Variants in SLC35E2B observed in about 807,000 individuals in gnomAD.
SLC35E2B encodes the protein solute carrier family 35, member E2B.
A neutral mutation model predicts 32.4 loss-of-function variants in SLC35E2B; 18 were observed. That is an observed-to-expected ratio of 0.56 (90% confidence interval 0.38 to 0.82). The LOEUF (loss-of-function observed/expected upper bound fraction) is 0.82. Ranked by LOEUF, SLC35E2B falls within the 40% of genes least tolerant of loss-of-function variation. The pLI is 0.00. For synonymous variants in SLC35E2B, 132 were observed against 209.1 expected, an observed-to-expected ratio of 0.63 and a Z score of 3.18; for missense variants, 263 against 469.5, an observed-to-expected ratio of 0.56 and a Z score of 4.06.
At chr1:1,689,169 C>T (rs577762566) in intron 2 of SLC35E2B, among the ~76,000 whole-genome samples, 3 of 149,442 alleles carry the variant, frequency 2.0e-5, no homozygotes, top group South Asian at 2.1e-4. Flanking sequence ...GAGACTGTCT[C>T]AAAAAAAAAC....
chr1:1,678,362 A>G (rs1270250655), intron 2 of SLC35E2B, among the ~76,000 whole-genome samples: 1 of 151,972 alleles, frequency 6.6e-6, no homozygotes, highest in Non-Finnish European at 1.5e-5. Flanking sequence ...GAGGTGCCTG[A>G]AACTTGGCCT....
intron 7 of SLC35E2B, 94 bp from the exon 8 acceptor site, chr1:1,669,830 C>G: frequency 7.7e-7 from 1 of 1,299,822 alleles, no homozygotes; most frequent in Non-Finnish European, 1.1e-6. Flanking sequence ...GCACCCCAGC[C>G]CAGAAGACGT....
At chr1:1,669,861 T>C in intron 7 of SLC35E2B, 125 bp from the exon 8 acceptor site, 1 of 1,058,236 alleles carries the variant, frequency 9.4e-7, no homozygotes. Context: ...TAGACAGGAC[T>C]AGGGTGCTGC....
chr1:1,663,341 A>T lies in SLC35E2B; in HGVS notation c.*2441T>A, dbSNP rs1404377234. 2.1e-6 allele frequency: 2 copies of T among 972,534 alleles called. No homozygotes were observed. The highest frequency in any genetic ancestry group is 3.5e-5 in the African/African-American group (2 of 56,994). 60.2% of individuals were successfully genotyped at this position (972,534 alleles called of 1,614,324 possible). On this transcript the variant is annotated 3_prime_UTR_variant, in exon 10 of 10. Transcript: ENST00000617444. ...GAACCAGGCGCCTGCACCTCTCCTT[A>T]TGCCAGACCACAATCTTCAAAGAGG...
chr1:1,682,074 G>T (rs1025885861), intron 2 of SLC35E2B, among the ~76,000 whole-genome samples: 1 of 138,070 alleles, frequency 7.2e-6, no homozygotes, highest in Non-Finnish European at 1.5e-5. Context: ...TGCCCAGGTT[G>T]GTCTCAATCT....
intron 2 of SLC35E2B, among the ~76,000 whole-genome samples, chr1:1,685,692 G>A (rs892391225): frequency 6.6e-6 from 1 of 152,162 alleles, no homozygotes; most frequent in Non-Finnish European, 1.5e-5. Flanking sequence ...ACCCTGAGGG[G>A]AGAAGCAGAA....
Position 1,663,439 on chromosome 1 carries a change from T to A in SLC35E2B, c.*2343A>T, listed in dbSNP as rs1249041664. On this transcript the variant is annotated 3_prime_UTR_variant, in exon 10 of 10. Coordinates refer to ENST00000617444, the MANE Select transcript of SLC35E2B (RefSeq NM_001290264.2). ...GTTGCTTTCAATCTGTCCTCACAAATCAACAACTCCCCGCCACCTCCAGGG... is the reference window on the plus strand; with the variant it reads ...GTTGCTTTCAATCTGTCCTCACAAAACAACAACTCCCCGCCACCTCCAGGG... 3.2e-6 allele frequency: 3 copies of A among 950,648 alleles called. No homozygotes were observed. The African/African-American group carries it at 5.3e-5, about 17-fold the overall frequency. The allele number at this position is 950,648 out of a possible 1,614,324, so 58.9% of individuals were successfully genotyped here. A position where few individuals can be genotyped will look rare whatever the true frequency, so the allele number is the denominator to read the frequency against.
chr1:1,666,674 G>A (rs1167915642), intron 9 of SLC35E2B, among the ~76,000 whole-genome samples: 1 of 151,250 alleles, frequency 6.6e-6, no homozygotes. Context: ...GCTCATGTCT[G>A]TAACCCCAGC....
At chr1:1,670,322 G>A (rs1242637240) in intron 6 of SLC35E2B, 171 bp from the exon 7 acceptor site, 11 of 567,684 alleles carry the variant, frequency 1.9e-5, no homozygotes, top group African/African-American at 3.8e-5. Flanking sequence ...GGGTTTCACC[G>A]TGTTGGCCAG....
At chr1:1,685,618 C>T (rs940319472) in intron 2 of SLC35E2B, among the ~76,000 whole-genome samples, 1 of 151,906 alleles carries the variant, frequency 6.6e-6, no homozygotes, top group Admixed American at 6.6e-5. Flanking sequence ...GGAAAAGGGT[C>T]TCTGAAATGG....
intron 5 of SLC35E2B, 29 bp from the exon 6 acceptor site, chr1:1,671,658 C>A: frequency 6.7e-7 from 1 of 1,497,688 alleles, no homozygotes; most frequent in Non-Finnish European, 9.0e-7. Context: ...CTGTGAGTGG[C>A]TGACCCGCCG....
In SLC35E2B at chr1:1,682,257, A is replaced by G. The variant is rs74045932; in HGVS notation, c.-147-5411T>C. On this transcript the variant is annotated intron_variant, in intron 2 of 9. Coordinates refer to ENST00000617444, the MANE Select transcript of SLC35E2B (RefSeq NM_001290264.2). The stretch of plus-strand genomic sequence containing the variant: ...GGCTGACTTGGGTCACAGAGGGCCA[A>G]ACGGTCCCGGGAAAATGGGTGGGCT... 2.9e-3 allele frequency among the ~76,000 whole-genome samples: 439 copies of G among 152,182 alleles called. 4 individuals are homozygous for G. Among genetic ancestry groups the G allele is most frequent in the African/African-American group, 0.01 (423 of 41,516 alleles).
chr1:1,681,188 T>C (rs1481066126), intron 2 of SLC35E2B, among the ~76,000 whole-genome samples: 1 of 151,956 alleles, frequency 6.6e-6, no homozygotes, highest in East Asian at 1.9e-4. Context: ...TAGTGAGACC[T>C]TTCTTTCCTT....
intron 2 of SLC35E2B, among the ~76,000 whole-genome samples, chr1:1,687,031 G>C (rs1040597514): frequency 3.3e-5 from 5 of 152,148 alleles, no homozygotes; most frequent in African/African-American, 1.2e-4. Flanking sequence ...ACTCCAGCCT[G>C]GGCCACAGAG....
chr1:1,689,397 G>A (rs914200865), intron 2 of SLC35E2B, among the ~76,000 whole-genome samples: 3 of 151,656 alleles, frequency 2.0e-5, no homozygotes, highest in East Asian at 1.9e-4. Flanking sequence ...TCTGCACAGC[G>A]GTGAATCCCC....
intron 6 of SLC35E2B, chr1:1,670,422 G>GT: frequency 3.7e-6 from 1 of 269,184 alleles, no homozygotes; most frequent in Non-Finnish European, 6.9e-6. Context: ...ACGCCCAACA[G>GT]ATTTTTTTTT....
chr1:1,678,657 A>G (rs369984800), intron 2 of SLC35E2B, among the ~76,000 whole-genome samples: 1 of 152,112 alleles, frequency 6.6e-6, no homozygotes, highest in Non-Finnish European at 1.5e-5. Flanking sequence ...CCTCGGAATA[A>G]CAAAGGACTC....
At chr1:1,669,618 A>G in intron 8 of SLC35E2B, 46 bp downstream of exon 8, 2 of 1,485,334 alleles carry the variant, frequency 1.3e-6, no homozygotes, top group Non-Finnish European at 1.8e-6. Context: ...TCACCGGAGA[A>G]GGCAGCCCGG....
At chr1:1,680,642 T>G (rs1432805618) in intron 2 of SLC35E2B, among the ~76,000 whole-genome samples, 1 of 151,572 alleles carries the variant, frequency 6.6e-6, no homozygotes, top group Non-Finnish European at 1.5e-5. Context: ...GGTCCCGGGG[T>G]CTCCATTCCC....
Sources: gnomAD v4.1 joint callset for allele counts (sites outside exome capture counted in the v4.1 genomes callset) on GRCh38, gnomAD v4.1.1 for gene constraint, MANE v1.5 for transcripts, NCBI Gene and HGNC (gene_info 2026-07-23, HGNC 2026-07-21) for gene names.